Variants in CDIN1 observed in about 807,000 individuals in gnomAD.
The protein encoded by CDIN1 is CDAN1 interacting nuclease 1.
Under a neutral mutation model 45.3 loss-of-function variants are expected in CDIN1, and 33 were observed. That is an observed-to-expected ratio of 0.73 (90% CI 0.55 to 0.97). The LOEUF is 0.97. Among genes scored for constraint, CDIN1 ranks in the 50% least tolerant of loss-of-function variants. The pLI, the probability that CDIN1 is intolerant of heterozygous loss-of-function variation, is 0.00. For synonymous variants in CDIN1, 118 were observed against 124.4 expected (o/e 0.95, Z 0.34); for missense variants, 303 against 339.4 (o/e 0.89, Z 0.84).
At chr15:36,768,003 TC>T (rs936376373) in intron 10 of CDIN1, among the ~76,000 whole-genome samples, 36 of 152,166 alleles carry the variant, frequency 2.4e-4, no homozygotes, top group African/African-American at 8.4e-4. Context: ...TTCTGACCCC[TC>T]ATATATTGTG....
intron 3 of CDIN1, among the ~76,000 whole-genome samples, chr15:36,653,487 G>T (rs2040654660): frequency 1.3e-5 from 2 of 151,290 alleles, no homozygotes; most frequent in African/African-American, 4.9e-5. Flanking sequence ...CAGCTTCCAT[G>T]TCTGGGGTTT....
rs12898391 is a variant in CDIN1 at position 36,664,753 on chromosome 15, A to C, written c.346+6848A>C. Among the ~76,000 whole-genome samples the C allele has an allele frequency of 2.0e-5, 3 of 152,086 alleles. No homozygotes were observed. The East Asian group carries it at 5.8e-4, about 30-fold the overall frequency. On this transcript the variant is annotated intron_variant, in intron 5 of 10. Coordinates refer to ENST00000566621, the MANE Select transcript of CDIN1 (RefSeq NM_001321759.2). ...AATAGAGACGGGGTTTCACCATGTT[A>C]GCCAGGATGGTCTCGATCTCCTGAC...
chr15:36,649,547 G>A (rs1304776408), intron 3 of CDIN1, among the ~76,000 whole-genome samples: 1 of 152,120 alleles, frequency 6.6e-6, no homozygotes, highest in Non-Finnish European at 1.5e-5. Flanking sequence ...TTTTTTGAGT[G>A]TGAAAGACTC....
chr15:36,645,080 C>G (rs919622545), intron 2 of CDIN1, 143 bp from the exon 3 acceptor site: 6 of 658,312 alleles, frequency 9.1e-6, no homozygotes, highest in Middle Eastern at 2.7e-4. Flanking sequence ...AAAAGAAGTC[C>G]TGCCATCACC....
At chr15:36,787,021 T>C (rs1345554272) in intron 10 of CDIN1, among the ~76,000 whole-genome samples, 1 of 152,200 alleles carries the variant, frequency 6.6e-6, no homozygotes, top group Non-Finnish European at 1.5e-5. Context: ...CTCACACCCC[T>C]GGTCTCCTTA....
intron 5 of CDIN1, among the ~76,000 whole-genome samples, chr15:36,678,737 C>A (rs544081846): frequency 6.6e-6 from 1 of 152,302 alleles, no homozygotes; most frequent in South Asian, 2.1e-4. Context: ...GATTAGGGAT[C>A]CCAACGATAT....
intron 5 of CDIN1, among the ~76,000 whole-genome samples, chr15:36,690,267 A>G (rs2042196309): frequency 6.7e-6 from 1 of 150,028 alleles, no homozygotes; most frequent in African/African-American, 2.4e-5. Flanking sequence ...ATTTACTAAC[A>G]TTTTTTTCTT....
At chr15:36,652,974 T>C (rs2040631662) in intron 3 of CDIN1, among the ~76,000 whole-genome samples, 1 of 152,214 alleles carries the variant, frequency 6.6e-6, no homozygotes, top group Non-Finnish European at 1.5e-5. Flanking sequence ...TTTTAAAAAT[T>C]ATTTAATTTT....
chr15:36,783,793 A>G (rs1214166187), intron 10 of CDIN1, among the ~76,000 whole-genome samples: 1 of 152,204 alleles, frequency 6.6e-6, no homozygotes, highest in Non-Finnish European at 1.5e-5. Flanking sequence ...AGCCAGCTAA[A>G]CCCACACTGC....
intron 10 of CDIN1, among the ~76,000 whole-genome samples, chr15:36,806,546 T>C (rs1237825472): frequency 1.3e-5 from 2 of 152,148 alleles, no homozygotes; most frequent in Admixed American, 6.5e-5. Context: ...GGCTGTATAA[T>C]AAAATGGAAG....
chr15:36,579,648 C>T lies in CDIN1; in HGVS notation c.-213C>T. The T allele has an allele frequency of 1.9e-6, 1 of 525,676 alleles. No individual in the cohort carries two copies. The highest frequency in any genetic ancestry group is 2.4e-5 in the South Asian group (1 of 41,098). 32.6% of individuals were successfully genotyped at this position (525,676 alleles called of 1,614,324 possible). A position where few individuals can be genotyped will look rare whatever the true frequency, so the allele number is the denominator to read the frequency against. Reference sequence around the variant, plus strand: ...GGCACTCTGGTGTACAGCCAGTCCCCGCCGCGGAGGTGCCGGTGGAGCCTG... The same window carrying T: ...GGCACTCTGGTGTACAGCCAGTCCCTGCCGCGGAGGTGCCGGTGGAGCCTG... On this transcript the variant is annotated 5_prime_UTR_variant, in exon 1 of 11. Transcript: ENST00000566621.
At chr15:36,638,418 A>C (rs944303911) in intron 1 of CDIN1, among the ~76,000 whole-genome samples, 1 of 152,224 alleles carries the variant, frequency 6.6e-6, no homozygotes, top group African/African-American at 2.4e-5. Context: ...TCCTCTATAG[A>C]GAAGATGATT....
At chr15:36,613,063 T>C (rs1005042894) in intron 1 of CDIN1, among the ~76,000 whole-genome samples, 4 of 152,232 alleles carry the variant, frequency 2.6e-5, no homozygotes, top group South Asian at 2.1e-4. Context: ...TCTCTTATTC[T>C]TGTGAAGCTT....
intron 10 of CDIN1, among the ~76,000 whole-genome samples, chr15:36,794,012 TG>T (rs1442684403): frequency 2.7e-5 from 1 of 36,612 alleles, no homozygotes; most frequent in African/African-American, 3.4e-5. Flanking sequence ...ATTTTCTTAC[TG>T]TGGTGAAAAA....
chr15:36,761,753 T>G (rs1869262), intron 10 of CDIN1, among the ~76,000 whole-genome samples: 87,683 of 152,054 alleles, frequency 0.58, 25,730 homozygotes, highest in East Asian at 0.93. Context: ...TACTTCTTGC[T>G]CCAGGAAAAA....
intron 4 of CDIN1, 85 bp downstream of exon 4, chr15:36,654,243 C>T (rs1213362045): frequency 9.5e-7 from 1 of 1,056,988 alleles, no homozygotes; most frequent in African/African-American, 1.6e-5. Context: ...ATTATAACTA[C>T]CTTTGGAAAA....
chr15:36,751,373 C>A (rs2053466648), intron 10 of CDIN1, among the ~76,000 whole-genome samples: 1 of 150,922 alleles, frequency 6.6e-6, no homozygotes, highest in African/African-American at 2.4e-5. Context: ...TAAAAGCACC[C>A]AGTGTTGCCT....
intron 7 of CDIN1, among the ~76,000 whole-genome samples, chr15:36,696,946 T>TG (rs1473919995): frequency 1.1e-5 from 1 of 92,256 alleles, no homozygotes; most frequent in Non-Finnish European, 2.1e-5. Flanking sequence ...ATTCCATTTC[T>TG]AAAAAAAAAA....
intron 10 of CDIN1, among the ~76,000 whole-genome samples, chr15:36,806,803 C>T (rs928543843): frequency 1.3e-5 from 2 of 152,152 alleles, no homozygotes; most frequent in African/African-American, 2.4e-5. Flanking sequence ...AAGAAACCCT[C>T]GGTTAAATGG....
Sources: gnomAD v4.1 joint callset for allele counts (sites outside exome capture counted in the v4.1 genomes callset) on GRCh38, gnomAD v4.1.1 for gene constraint, MANE v1.5 for transcripts, NCBI Gene and HGNC (gene_info 2026-07-23, HGNC 2026-07-21) for gene names.